Variants in CSMD3 observed in about 807,000 individuals in gnomAD.
CSMD3 encodes CUB and sushi domain-containing protein 3.
A neutral mutation model predicts 435.2 loss-of-function variants in CSMD3; 177 were observed. That is an observed-to-expected ratio of 0.41 (90% CI 0.36 to 0.46). The LOEUF (loss-of-function observed/expected upper bound fraction) is 0.46. Ranked by LOEUF, CSMD3 falls within the 20% of genes least tolerant of loss-of-function variation. The pLI is 0.34. For missense variants in CSMD3, 4,265 were observed against 4,504.6 expected (o/e 0.95, Z 1.52); for synonymous variants, 1,656 against 1,520.5 (o/e 1.09, Z -2.07).
At chr8:113,425,206 C>T (rs968326294) in intron 1 of CSMD3, among the ~76,000 whole-genome samples, 10 of 151,456 alleles carry the variant, frequency 6.6e-5, no homozygotes, top group African/African-American at 1.9e-4. Context: ...TAAATTATGT[C>T]AATCCCATAA....
At chr8:112,295,131 T>A (rs1267880235) in intron 54 of CSMD3, among the ~76,000 whole-genome samples, 1 of 152,134 alleles carries the variant, frequency 6.6e-6, no homozygotes, top group Admixed American at 6.6e-5. Flanking sequence ...ATTTTTAATT[T>A]TTTTCAGACA....
At chr8:112,343,780 G>T (rs1825399741) in intron 41 of CSMD3, among the ~76,000 whole-genome samples, 1 of 151,998 alleles carries the variant, frequency 6.6e-6, no homozygotes. Context: ...TGATTAGGTG[G>T]GACATACAGG....
chr8:112,860,494 A>G (rs2080797249), intron 10 of CSMD3, among the ~76,000 whole-genome samples: 1 of 151,676 alleles, frequency 6.6e-6, no homozygotes, highest in African/African-American at 2.4e-5. Context: ...ACTTCTTGTA[A>G]ATACTCTATG....
chr8:112,241,084 T>A (rs566488334), intron 66 of CSMD3, among the ~76,000 whole-genome samples: 9 of 152,122 alleles, frequency 5.9e-5, no homozygotes, highest in Non-Finnish European at 1.2e-4. Flanking sequence ...GCCCTTACTA[T>A]GGGCTACGCA....
chr8:112,349,700 A>G (rs545075823), intron 40 of CSMD3, among the ~76,000 whole-genome samples: 130 of 152,238 alleles, frequency 8.5e-4, no homozygotes, highest in African/African-American at 3.0e-3. Context: ...TATAATATGC[A>G]TTTACAAATT....
chr8:112,276,734 C>T (rs190311578), intron 59 of CSMD3, among the ~76,000 whole-genome samples: 105 of 152,294 alleles, frequency 6.9e-4, no homozygotes, highest in Admixed American at 1.0e-3. Flanking sequence ...TCTGCCTGGA[C>T]GTACAGGCAT....
chr8:112,575,005 T>A (rs2131307550), intron 23 of CSMD3, among the ~76,000 whole-genome samples: 1 of 152,120 alleles, frequency 6.6e-6, no homozygotes, highest in Non-Finnish European at 1.5e-5. Flanking sequence ...TGGAATGTTT[T>A]ATTATTATTA....
At chr8:112,822,962 C>G (rs1410153964) in intron 12 of CSMD3, among the ~76,000 whole-genome samples, 3 of 152,108 alleles carry the variant, frequency 2.0e-5, no homozygotes, top group African/African-American at 7.2e-5. Context: ...GATTGACCAG[C>G]CTTGTATCCC....
chr8:112,594,418 C>T (rs1409692633), intron 22 of CSMD3, among the ~76,000 whole-genome samples: 11 of 152,130 alleles, frequency 7.2e-5, no homozygotes, highest in African/African-American at 2.7e-4. Flanking sequence ...GATCAAACTG[C>T]AAGGCGGCAG....
chr8:112,251,849 G>A (rs1329355519), intron 63 of CSMD3, among the ~76,000 whole-genome samples: 1 of 151,718 alleles, frequency 6.6e-6, no homozygotes, highest in Non-Finnish European at 1.5e-5. Context: ...GGTTAATCCT[G>A]ATGTTGCATC....
intron 27 of CSMD3, among the ~76,000 whole-genome samples, chr8:112,539,915 A>G (rs1332110687): frequency 6.6e-6 from 1 of 152,114 alleles, no homozygotes; most frequent in Non-Finnish European, 1.5e-5. Flanking sequence ...ATATCAAACT[A>G]AACAGCTTCT....
intron 10 of CSMD3, among the ~76,000 whole-genome samples, chr8:112,903,275 G>A (rs2082158787): frequency 6.6e-6 from 1 of 150,388 alleles, no homozygotes; most frequent in Admixed American, 6.7e-5. Flanking sequence ...AGATTCTAAA[G>A]ATAATTATCA....
intron 38 of CSMD3, among the ~76,000 whole-genome samples, chr8:112,374,248 G>A (rs916296335): frequency 3.9e-5 from 6 of 152,000 alleles, no homozygotes; most frequent in African/African-American, 1.4e-4. Context: ...GTTATCCTTT[G>A]GCACAGATCT....
At chr8:112,765,458 A>G (rs1419459970) in intron 13 of CSMD3, among the ~76,000 whole-genome samples, 1 of 151,596 alleles carries the variant, frequency 6.6e-6, no homozygotes, top group Non-Finnish European at 1.5e-5. Context: ...TTCTTTTATT[A>G]AGTACCTGAT....
At chr8:112,887,912 T>C (rs1476094180) in intron 10 of CSMD3, among the ~76,000 whole-genome samples, 1 of 151,714 alleles carries the variant, frequency 6.6e-6, no homozygotes, top group Non-Finnish European at 1.5e-5. Context: ...GAAAAATGTT[T>C]ACATAATGCC....
At chr8:112,836,137 A>G (rs1197114827) in intron 11 of CSMD3, among the ~76,000 whole-genome samples, 3 of 151,914 alleles carry the variant, frequency 2.0e-5, no homozygotes, top group East Asian at 1.9e-4. Flanking sequence ...GATTCTGGAC[A>G]TATCTTTGTA....
At chr8:113,113,779 A>G (rs2090738443) in intron 4 of CSMD3, among the ~76,000 whole-genome samples, 1 of 152,232 alleles carries the variant, frequency 6.6e-6, no homozygotes, top group African/African-American at 2.4e-5. Flanking sequence ...TACAAATGCG[A>G]ATCAATAACC....
At chr8:113,086,298 C>T (rs892136606) in intron 5 of CSMD3, among the ~76,000 whole-genome samples, 3 of 150,260 alleles carry the variant, frequency 2.0e-5, no homozygotes, top group African/African-American at 4.9e-5. Flanking sequence ...TTCCTGATAA[C>T]GCCCCATCCT....
intron 27 of CSMD3, among the ~76,000 whole-genome samples, chr8:112,521,077 G>A (rs958859654): frequency 3.9e-5 from 6 of 151,948 alleles, no homozygotes; most frequent in African/African-American, 1.4e-4. Flanking sequence ...TGCATCACTA[G>A]CACATTGGAT....
Sources: allele counts gnomAD v4.1 joint callset (sites outside exome capture counted in the v4.1 genomes callset), GRCh38; gene constraint gnomAD v4.1.1; transcripts MANE v1.5; gene names NCBI Gene and HGNC (gene_info 2026-07-23, HGNC 2026-07-21).